Variants in TMEM143 observed in about 807,000 individuals in gnomAD.
The protein encoded by TMEM143 is transmembrane protein 143.
TMEM143 carries 45 observed loss-of-function variants against 40.3 expected under a neutral mutation model. The observed-to-expected ratio is 1.12, with a 90% confidence interval of 0.88 to 1.43. TMEM143 has a LOEUF of 1.43. TMEM143 is among the 40% of genes most tolerant of loss of function. The probability of loss-of-function intolerance (pLI) is 0.00; values close to 1 mark genes in which losing one functional copy is unlikely to be tolerated. For missense variants in TMEM143, 620 were observed against 613.4 expected (o/e 1.01, Z -0.11); for synonymous variants, 299 against 282.7 (o/e 1.06, Z -0.58).
At chr19:48,352,983 G>A (rs1161027063) in intron 3 of TMEM143, among the ~76,000 whole-genome samples, 1 of 152,020 alleles carries the variant, frequency 6.6e-6, no homozygotes. Flanking sequence ...AAAACATTAT[G>A]TAAATAGTTG....
At chr19:48,346,876 C>A (rs1296476706) in intron 3 of TMEM143, among the ~76,000 whole-genome samples, 2 of 152,148 alleles carry the variant, frequency 1.3e-5, no homozygotes, top group Non-Finnish European at 1.5e-5. Flanking sequence ...TCGCACCTGG[C>A]CTACTCTTGC....
intron 2 of TMEM143, 25 bp downstream of exon 2, chr19:48,363,266 C>T: frequency 3.7e-6 from 6 of 1,601,432 alleles, no homozygotes; most frequent in Non-Finnish European, 4.3e-6. Flanking sequence ...AGTCCCCAGG[C>T]TCTTGGGCCT....
chr19:48,341,805 A>G (rs1490558455), intron 6 of TMEM143, among the ~76,000 whole-genome samples: 1 of 151,920 alleles, frequency 6.6e-6, no homozygotes, highest in African/African-American at 2.4e-5. Context: ...CCTTCACCGC[A>G]TCACTAAAGC....
chr19:48,337,557 GAA>G (rs146218078), intron 6 of TMEM143, among the ~76,000 whole-genome samples: 104 of 145,684 alleles, frequency 7.1e-4, no homozygotes, highest in African/African-American at 1.8e-3. Context: ...AAAAAAAGAA[GAA>G]AAAAAAAAAA....
intron 3 of TMEM143, among the ~76,000 whole-genome samples, chr19:48,347,079 CT>C (rs1184028872): frequency 6.6e-6 from 1 of 152,124 alleles, no homozygotes; most frequent in Non-Finnish European, 1.5e-5. Flanking sequence ...AACGTCCCCC[CT>C]AAAAAACTCT....
chr19:48,360,248 G>T, intron 2 of TMEM143, 72 bp from the exon 3 acceptor site: 1 of 1,437,636 alleles, frequency 7.0e-7, no homozygotes, highest in South Asian at 1.2e-5. Flanking sequence ...TCTTTCCCTG[G>T]CTGCCTAACT....
In TMEM143 at chr19:48,343,407, G is replaced by C; in HGVS notation, c.609C>G (p.Ala203=). ...GCATCTGCCCGACTCGCTGGCCCAG[G>C]GCCCAGAAGTGAATGTAGACATACT... ...LDQYVYIHFW[A]LGQRVGQMPL... is the part of the protein sequence containing the mutation. The change falls in exon 5 of 8, where the codon GCC becomes GCG. Residue 203 remains alanine, a synonymous_variant. Coordinates refer to ENST00000293261, the MANE Select transcript of TMEM143 (RefSeq NM_018273.4). The C allele has an allele frequency of 6.3e-7, 1 of 1,595,088 alleles. No individual in the cohort carries two copies. The highest frequency in any genetic ancestry group is 8.5e-7 in the Non-Finnish European group (1 of 1,170,692).
At position 48,333,883 on chromosome 19, in the gene TMEM143, GCCGGGGTCTCTTCGCAAAC is replaced by G. The variant is rs1969275957; in HGVS notation, c.1165+106_1165+124del. The G allele has an allele frequency of 2.4e-5, 25 of 1,044,338 alleles. No individual in the cohort carries two copies. The highest frequency in any genetic ancestry group is 3.4e-5 in the Non-Finnish European group (25 of 743,892). 64.7% of individuals were successfully genotyped at this position (1,044,338 alleles called of 1,614,324 possible). On this transcript the variant is annotated intron_variant, in intron 7 of 7. Transcript: ENST00000293261. The surrounding 1 kb of genome is among the most constrained non-coding windows in gnomAD (Gnocchi z 4.1). ...GATTCGGAGGTCCTGTCTGCTGAGG[GCCGGGGTCTCTTCGCAAAC>G]CCGTCAGGTTCACCCGTGGGAACTG...
At chr19:48,349,315 T>G (rs1007862645) in intron 3 of TMEM143, among the ~76,000 whole-genome samples, 4 of 152,138 alleles carry the variant, frequency 2.6e-5, no homozygotes, top group Non-Finnish European at 4.4e-5. Flanking sequence ...ATTGAAGTCT[T>G]ACTCTCTGTC....
intron 3 of TMEM143, among the ~76,000 whole-genome samples, chr19:48,347,072 G>A (rs1421420222): frequency 2.0e-5 from 3 of 151,986 alleles, no homozygotes; most frequent in East Asian, 3.9e-4. Flanking sequence ...GTCCCTAAAC[G>A]TCCCCCCTAA....
chr19:48,342,681 G>A lies in TMEM143; in HGVS notation c.824C>T (p.Thr275Ile). The A allele has an allele frequency of 6.2e-7, 1 of 1,614,156 alleles. No individual in the cohort carries two copies. The highest frequency in any genetic ancestry group is 8.5e-7 in the Non-Finnish European group (1 of 1,180,016). The change falls in exon 6 of 8, where the codon ACC becomes ATC. Residue 275 changes from threonine to isoleucine, a missense_variant. Physicochemically the swap from Thr to Ile is moderately conservative, Grantham distance 89 (BLOSUM62 -1). Coordinates refer to ENST00000293261, the MANE Select transcript of TMEM143 (RefSeq NM_018273.4). ...LLPELKVRTPTLQRALLNLML... is the reference protein window; with the variant it reads ...LLPELKVRTPILQRALLNLML... ...GAGGTTGAGCAGGGCGCGCTGCAGG[G>A]TGGGCGTGCGCACCTTCAGCTCCGG...
Position 48,333,987 on chromosome 19 carries a change from G to C in TMEM143, c.1165+21C>G, listed in dbSNP as rs1420452026. The C allele has an allele frequency of 6.6e-7, 1 of 1,513,496 alleles. No homozygotes were observed. The allele number at this position is 1,513,496 out of a possible 1,614,324, so 93.8% of individuals were successfully genotyped here. On this transcript the variant is annotated intron_variant, in intron 7 of 7. Coordinates refer to ENST00000293261, the MANE Select transcript of TMEM143 (RefSeq NM_018273.4). The surrounding 1 kb of genome is among the most constrained non-coding windows in gnomAD (Gnocchi z 4.1). Reference sequence around the variant, plus strand: ...GCGGGGGTGTGGCCCCTGGGGGCAGGGTCCCAGGGCCACGTCCTACCTTCG... The same window carrying C: ...GCGGGGGTGTGGCCCCTGGGGGCAGCGTCCCAGGGCCACGTCCTACCTTCG...
rs755808353 is a variant in TMEM143, at chr19:48,346,962, T to C, written c.370-1608A>G. Among the ~76,000 whole-genome samples the C allele has an allele frequency of 6.6e-5, 10 of 152,098 alleles. No homozygotes were observed. The South Asian group carries it at 1.7e-3, about 25-fold the overall frequency. On this transcript the variant is annotated intron_variant, in intron 3 of 7. Coordinates refer to ENST00000293261, the MANE Select transcript of TMEM143 (RefSeq NM_018273.4). ...GTAAACAGCTCCCACAATCCACCCC[T>C]CCAACAGCTTCCCACTGTATTTAGA...
At chr19:48,334,420 T>TTCTC (rs1311939581) in intron 6 of TMEM143, among the ~76,000 whole-genome samples, 3 of 13,828 alleles carry the variant, frequency 2.2e-4, no homozygotes, top group African/African-American at 7.6e-4. Context: ...TTTTCTCTCT[T>TTCTC]TCTTTCTTTC....
Position 48,342,796 on chromosome 19 carries a change from G to A in TMEM143, c.709C>T (p.Arg237Trp), listed in dbSNP as rs376995587. ...LPPAERRYFKRVVLAARTKRG... is the reference protein window; with the variant it reads ...LPPAERRYFKWVVLAARTKRG... ...TTGGTCCGGGCTGCCAGGACCACCC[G>A]CTTAAAGTATCTCCTGAGGGACAGA... is the stretch of plus-strand genomic sequence containing the variant. Residue 237 changes from arginine to tryptophan, a missense_variant, in exon 6 of 8, where the codon CGG becomes TGG. Transcript: ENST00000293261. 3.1e-5 allele frequency: 50 copies of A among 1,604,614 alleles called. No individual in the cohort carries two copies. In the African/African-American group the frequency reaches 4.1e-4, roughly 13 times the overall value.
intron 5 of TMEM143, chr19:48,343,066 C>G: frequency 1.5e-6 from 1 of 670,080 alleles, no homozygotes; most frequent in Non-Finnish European, 2.5e-6. Context: ...GAATGTGGAC[C>G]TCCCTCTCCG....
Position 48,333,886 on chromosome 19 carries a change from G to T in TMEM143, c.1165+122C>A. ...TCGGAGGTCCTGTCTGCTGAGGGCCGGGGTCTCTTCGCAAACCCGTCAGGT... is the reference window on the plus strand; with the variant it reads ...TCGGAGGTCCTGTCTGCTGAGGGCCTGGGTCTCTTCGCAAACCCGTCAGGT... On this transcript the variant is annotated intron_variant, in intron 7 of 7. Transcript: ENST00000293261. This position sits in a 1 kb window ranked among gnomAD's most constrained non-coding sequence, Gnocchi z 4.1. 9.3e-7 allele frequency: 1 copy of T among 1,075,642 alleles called. No individual in the cohort carries two copies. 66.6% of individuals were successfully genotyped at this position (1,075,642 alleles called of 1,614,324 possible).
intron 3 of TMEM143, among the ~76,000 whole-genome samples, chr19:48,357,093 C>T (rs561297552): frequency 2.8e-4 from 43 of 151,108 alleles, no homozygotes; most frequent in Non-Finnish European, 4.6e-4. Context: ...TTAGTAGAGA[C>T]GGGGATTCAT....
intron 2 of TMEM143, 96 bp downstream of exon 2, chr19:48,363,195 C>G (rs1185603498): frequency 2.0e-6 from 3 of 1,481,644 alleles, no homozygotes; most frequent in South Asian, 1.4e-5. Flanking sequence ...TCCCAGGAGG[C>G]GCCAGGGCAG....
Sources: gnomAD v4.1 joint callset for allele counts (sites outside exome capture counted in the v4.1 genomes callset) on GRCh38, gnomAD v4.1.1 for gene constraint, Gnocchi (gnomAD v3.1) non-coding constraint, MANE v1.5 for transcripts, NCBI Gene and HGNC (gene_info 2026-07-23, HGNC 2026-07-21) for gene names.